Variants in SAE1 observed in about 807,000 individuals in gnomAD.
SAE1 encodes the protein SUMO-activating enzyme subunit 1.
In SAE1, 11 loss-of-function variants were observed where a neutral mutation model predicts 40.6. That is an observed-to-expected ratio of 0.27 (90% CI 0.17 to 0.45). The LOEUF (loss-of-function observed/expected upper bound fraction) is 0.45. Ranked by LOEUF, SAE1 falls within the 20% of genes least tolerant of loss-of-function variation. The pLI is 1.00. For missense variants in SAE1, 373 were observed against 427.3 expected (o/e 0.87, Z 1.12); for synonymous variants, 155 against 154.3 (o/e 1.00, Z -0.03).
intron 1 of SAE1, among the ~76,000 whole-genome samples, chr19:47,139,255 G>A (rs1039260794): frequency 6.6e-6 from 1 of 152,196 alleles, no homozygotes; most frequent in South Asian, 2.1e-4. Context: ...TGTTAGCCAC[G>A]ATGGTCTCCA....
At chr19:47,147,280 CA>C (rs1204069296) in intron 2 of SAE1, among the ~76,000 whole-genome samples, 2 of 134,912 alleles carry the variant, frequency 1.5e-5, no homozygotes, top group Admixed American at 1.6e-4. Context: ...GATCATGGCT[CA>C]CTGTAGCCTT....
At chr19:47,198,674 G>C (rs1383044611) in intron 7 of SAE1, among the ~76,000 whole-genome samples, 1 of 152,208 alleles carries the variant, frequency 6.6e-6, no homozygotes, top group Non-Finnish European at 1.5e-5. Flanking sequence ...AGGTCTGCCA[G>C]AGTCCCTAGT....
chr19:47,141,472 G>A (rs1032963145), intron 1 of SAE1, among the ~76,000 whole-genome samples: 1 of 152,184 alleles, frequency 6.6e-6, no homozygotes, highest in Admixed American at 6.6e-5. Context: ...CTGCAGAGCA[G>A]TCTGTAGAGC....
intron 1 of SAE1, among the ~76,000 whole-genome samples, chr19:47,134,367 C>T (rs1328665196): frequency 2.0e-5 from 3 of 151,104 alleles, no homozygotes; most frequent in Admixed American, 1.3e-4. Context: ...TGGGAATTAC[C>T]TCAGGCTCAT....
At chr19:47,147,613 C>T (rs1488549342) in intron 2 of SAE1, among the ~76,000 whole-genome samples, 1 of 149,006 alleles carries the variant, frequency 6.7e-6, no homozygotes. Flanking sequence ...CCACCACACC[C>T]GGCTAATTTT....
chr19:47,167,768 C>A (rs1248249906), intron 5 of SAE1, among the ~76,000 whole-genome samples: 1 of 152,028 alleles, frequency 6.6e-6, no homozygotes, highest in Admixed American at 6.6e-5. Flanking sequence ...CCACCACCAA[C>A]CTTTTTAAAA....
chr19:47,204,170 T>G (rs8107443), intron 8 of SAE1, among the ~76,000 whole-genome samples: 37,580 of 145,558 alleles, frequency 0.26, 4,948 homozygotes, highest in South Asian at 0.41. Context: ...TTCATCACCA[T>G]GACATCAAAG....
chr19:47,173,263 C>T (rs1388591610), intron 6 of SAE1, among the ~76,000 whole-genome samples: 1 of 152,194 alleles, frequency 6.6e-6, no homozygotes, highest in Non-Finnish European at 1.5e-5. Context: ...TCCCAAAGTG[C>T]TGGGATTAGA....
chr19:47,206,046 A>G lies in SAE1; in HGVS notation c.948+2306A>G, dbSNP rs557181681. 2.1e-3 allele frequency among the ~76,000 whole-genome samples: 324 copies of G among 152,238 alleles called. 1 individual carries two copies. The highest frequency in any genetic ancestry group is 7.3e-3 in the African/African-American group (302 of 41,552). ...TTGAGGGGCTCCCCCTAAATTTTTCATGTGGGATGGAGACTGGAGGTTGGG... is the reference window on the plus strand; with the variant it reads ...TTGAGGGGCTCCCCCTAAATTTTTCGTGTGGGATGGAGACTGGAGGTTGGG... On this transcript the variant is annotated intron_variant, in intron 8 of 8. Coordinates refer to ENST00000270225, the MANE Select transcript of SAE1 (RefSeq NM_005500.3).
chr19:47,172,347 A>G (rs1450329014), intron 6 of SAE1, among the ~76,000 whole-genome samples: 1 of 152,170 alleles, frequency 6.6e-6, no homozygotes, highest in Non-Finnish European at 1.5e-5. Flanking sequence ...TCAGGTGTGG[A>G]AGAGGCACCA....
chr19:47,198,210 A>G (rs893759846), intron 7 of SAE1, among the ~76,000 whole-genome samples: 4 of 152,080 alleles, frequency 2.6e-5, no homozygotes, highest in Admixed American at 6.6e-5. Context: ...CCTGGGTCCA[A>G]GCGATTCTCC....
chr19:47,155,052 T>A, intron 4 of SAE1, 62 bp from the exon 5 acceptor site: 1 of 1,084,884 alleles, frequency 9.2e-7, no homozygotes, highest in Non-Finnish European at 1.4e-6. Flanking sequence ...AGAGGCTTTT[T>A]TTGATTCCAA....
At chr19:47,134,662 G>C (rs1193198919) in intron 1 of SAE1, among the ~76,000 whole-genome samples, 1 of 152,170 alleles carries the variant, frequency 6.6e-6, no homozygotes, top group Non-Finnish European at 1.5e-5. Flanking sequence ...AATCGAAGGG[G>C]TTTGCGGCAG....
chr19:47,193,777 G>A (rs1216930882), intron 6 of SAE1, among the ~76,000 whole-genome samples: 3 of 148,570 alleles, frequency 2.0e-5, no homozygotes, highest in Non-Finnish European at 3.0e-5. Flanking sequence ...GCATTGAGCC[G>A]AGATCACGCC....
At chr19:47,144,751 A>C (rs1268622486) in intron 2 of SAE1, among the ~76,000 whole-genome samples, 1 of 152,152 alleles carries the variant, frequency 6.6e-6, no homozygotes, top group Non-Finnish European at 1.5e-5. Context: ...GATCAGAGAG[A>C]ATGTGGGCAG....
rs780595964 is a variant in SAE1 at position 47,155,228 on chromosome 19, G to A, written c.627+15G>A. On this transcript the variant is annotated intron_variant, in intron 5 of 8. Coordinates refer to ENST00000270225, the MANE Select transcript of SAE1 (RefSeq NM_005500.3). ...TGGTCAAAAAGGTATGTGTAACGTG[G>A]GGGCAGAGGTCAGAAACCCTGGGGC... 2 of 1,566,908 alleles carry A rather than the reference G, an allele frequency of 1.3e-6. No individual in the cohort carries two copies. Among genetic ancestry groups the A allele is most frequent in the East Asian group, 2.2e-5 (1 of 44,616 alleles).
intron 2 of SAE1, among the ~76,000 whole-genome samples, chr19:47,145,193 G>C (rs2123196785): frequency 6.6e-6 from 1 of 152,164 alleles, no homozygotes; most frequent in South Asian, 2.1e-4. Flanking sequence ...GTAGAGACCG[G>C]GTTTCTCCAT....
rs1044830124 is a variant in SAE1 at position 47,163,361 on chromosome 19, C to T, written c.628-6457C>T. ...AGACTTTTTTTCTTGTCATTATTCC[C>T]TAAGCAATACAATATAACAACTGTT... On this transcript the variant is annotated intron_variant, in intron 5 of 8. Transcript: ENST00000270225. Among the ~76,000 whole-genome samples the T allele has an allele frequency of 3.3e-5, 5 of 152,104 alleles. No homozygotes were observed. The East Asian group carries it at 9.6e-4, about 29-fold the overall frequency.
chr19:47,177,368 T>C (rs2058476090), intron 6 of SAE1, among the ~76,000 whole-genome samples: 2 of 152,214 alleles, frequency 1.3e-5, no homozygotes, highest in South Asian at 2.1e-4. Flanking sequence ...TTTGTTTTTT[T>C]TCCCCCCCAA....
Sources: gnomAD v4.1 joint callset for allele counts (sites outside exome capture counted in the v4.1 genomes callset) on GRCh38, gnomAD v4.1.1 for gene constraint, MANE v1.5 for transcripts, NCBI Gene and HGNC (gene_info 2026-07-23, HGNC 2026-07-21) for gene names.